Variants in CELF2 observed in about 807,000 individuals in gnomAD.
CELF2 encodes CUG triplet repeat RNA-binding protein 2.
In CELF2, 8 loss-of-function variants were observed where a neutral mutation model predicts 62.6. The observed-to-expected ratio is 0.13, with a 90% confidence interval of 0.07 to 0.23. The LOEUF (loss-of-function observed/expected upper bound fraction) is 0.23. CELF2 is among the 10% of genes least tolerant of loss of function. CELF2 has a pLI of 1.00. For missense variants in CELF2, 333 were observed against 671.0 expected, an observed-to-expected ratio of 0.50 and a Z score of 5.56; for synonymous variants, 258 against 250.0, an observed-to-expected ratio of 1.03 and a Z score of -0.30.
At chr10:11,104,546 G>T (rs1204237054) in intron 1 of CELF2, among the ~76,000 whole-genome samples, 1 of 152,190 alleles carries the variant, frequency 6.6e-6, no homozygotes, top group African/African-American at 2.4e-5. Context: ...AGCCAGGTGT[G>T]TGGTGTGTGC....
chr10:10,482,476 A>T, the CELF2 span, among the ~76,000 whole-genome samples: 1,382 of 152,342 alleles, frequency 9.1e-3, 10 homozygotes, highest in South Asian at 0.026. Context: ...GTGTTAAAAA[A>T]GTTTCCTTCA....
At chr10:11,088,564 C>CGGTGCGCATACCCCTGCTCACCT (rs55706560) in intron 1 of CELF2, among the ~76,000 whole-genome samples, 2 of 151,860 alleles carry the variant, frequency 1.3e-5, no homozygotes, top group Non-Finnish European at 2.9e-5. Flanking sequence ...CTAGCAGAGC[C>CGGTGCGCATACCCCTGCTCACCT]GGATTTCTCA....
At chr10:10,619,050 G>A in the CELF2 span, among the ~76,000 whole-genome samples, 11 of 152,306 alleles carry the variant, frequency 7.2e-5, no homozygotes, top group East Asian at 1.9e-4. Flanking sequence ...TACTGCACAC[G>A]TGGCAACAAA....
At chr10:10,493,209 A>G in the CELF2 span, among the ~76,000 whole-genome samples, 1 of 152,156 alleles carries the variant, frequency 6.6e-6, no homozygotes, top group East Asian at 1.9e-4. Context: ...ATTTTTCTTA[A>G]ATGAGGCACT....
chr10:11,101,257 A>G (rs751943599), intron 1 of CELF2, among the ~76,000 whole-genome samples: 1 of 152,200 alleles, frequency 6.6e-6, no homozygotes, highest in Non-Finnish European at 1.5e-5. Flanking sequence ...TGTGGGGTGA[A>G]TTACAATACT....
intron 1 of CELF2, among the ~76,000 whole-genome samples, chr10:11,041,001 A>G (rs1428905699): frequency 6.6e-6 from 1 of 152,128 alleles, no homozygotes; most frequent in Non-Finnish European, 1.5e-5. Context: ...TTAAACAACT[A>G]ATGTTTATTT....
the CELF2 span, among the ~76,000 whole-genome samples, chr10:10,664,830 G>T: frequency 6.6e-6 from 1 of 152,122 alleles, no homozygotes; most frequent in Non-Finnish European, 1.5e-5. Flanking sequence ...AGACAGAAAT[G>T]GGAAGTTTAA....
At chr10:10,473,335 G>A in the CELF2 span, among the ~76,000 whole-genome samples, 110 of 152,030 alleles carry the variant, frequency 7.2e-4, 1 homozygote, top group East Asian at 0.019. Flanking sequence ...CAATATCTAG[G>A]AAAAGGTAAG....
Position 11,247,950 on chromosome 10 carries a change from G to A in CELF2, c.355-1203G>A, listed in dbSNP as rs939475126. ...TTCTGAAGACCCAGGCCGGCATTAGGTGCACGTGATCCTGACTGCCTGATG... is the reference window on the plus strand; with the variant it reads ...TTCTGAAGACCCAGGCCGGCATTAGATGCACGTGATCCTGACTGCCTGATG... On this transcript the variant is annotated intron_variant, in intron 3 of 12. Transcript: ENST00000633077. The surrounding 1 kb of genome is among the most constrained non-coding windows in gnomAD (Gnocchi z 5.4). 1.4e-4 allele frequency among the ~76,000 whole-genome samples: 22 copies of A among 152,020 alleles called. No homozygotes were observed. The highest frequency in any genetic ancestry group is 2.1e-4 in the Non-Finnish European group (14 of 67,994).
the CELF2 span, among the ~76,000 whole-genome samples, chr10:10,608,462 T>G: frequency 1.3e-5 from 2 of 152,198 alleles, no homozygotes; most frequent in African/African-American, 4.8e-5. Context: ...AAAGTCAAGA[T>G]TAGATGCTGC....
In CELF2 at chr10:10,883,874, T is replaced by TTCCTCC. The variant is rs532851196; in HGVS notation, c.54-36075_54-36070dup. On this transcript the variant is annotated intron_variant, in intron 1 of 13. Coordinates refer to the CELF2 transcript ENST00000636488. ...AGGGCTAGGCATTCTCATAATTTCC[T>TTCCTCC]TCCTCCTCCTCCTCCTCCTCTTCTT... Among the ~76,000 whole-genome samples the TTCCTCC allele has an allele frequency of 2.0e-5, 3 of 151,760 alleles. No individual in the cohort carries two copies. The East Asian group carries it at 5.8e-4, about 29-fold the overall frequency.
intron 1 of CELF2, among the ~76,000 whole-genome samples, chr10:10,889,302 T>G (rs556085952): frequency 6.6e-6 from 1 of 152,360 alleles, no homozygotes; most frequent in East Asian, 1.9e-4. Context: ...CTACATGTAA[T>G]GAAGTTTCAA....
the CELF2 span, among the ~76,000 whole-genome samples, chr10:10,489,346 G>C: frequency 6.6e-6 from 1 of 152,080 alleles, no homozygotes; most frequent in Admixed American, 6.5e-5. Flanking sequence ...CTGGAACAGT[G>C]CTGGTACATT....
chr10:11,018,144 C>T lies in CELF2; in HGVS notation c.55C>T (p.Leu19=). The part of the protein sequence containing the change: ...FLPDMMVEGR[L]LVPDRINGTA... ...CCCGGACATGATGGTCGAGGGCCGCCTGCTCGTTCCTGACAGAATGTGAGT... is the reference window on the plus strand; with the variant it reads ...CCCGGACATGATGGTCGAGGGCCGCTTGCTCGTTCCTGACAGAATGTGAGT... Residue 19 remains leucine, a synonymous_variant, in exon 1 of 13, where the codon CTG becomes TTG. Coordinates refer to ENST00000633077, the MANE Select transcript of CELF2 (RefSeq NM_001326342.2). The T allele has an allele frequency of 6.6e-7, 1 of 1,523,442 alleles. No homozygotes were observed. Among genetic ancestry groups the T allele is most frequent in the Non-Finnish European group, 8.8e-7 (1 of 1,133,232 alleles). The allele number at this position is 1,523,442 out of a possible 1,614,324, so 94.4% of individuals were successfully genotyped here.
chr10:11,112,357 A>G (rs940537130), intron 1 of CELF2, among the ~76,000 whole-genome samples: 1 of 152,240 alleles, frequency 6.6e-6, no homozygotes, highest in Admixed American at 6.5e-5. Context: ...ATGATGTGTT[A>G]TGCAGTACGG....
At chr10:10,617,209 A>C in the CELF2 span, among the ~76,000 whole-genome samples, 7 of 152,182 alleles carry the variant, frequency 4.6e-5, no homozygotes, top group African/African-American at 1.7e-4. Flanking sequence ...TGAGTTTGCA[A>C]AATAGGGTCA....
chr10:11,158,049 C>A (rs1331007943), intron 1 of CELF2, among the ~76,000 whole-genome samples: 2 of 152,180 alleles, frequency 1.3e-5, no homozygotes, highest in South Asian at 2.1e-4. Context: ...GAAGCGCAGG[C>A]CCCTGTTGAG....
At chr10:11,323,610 G>C (rs2095569346) in intron 11 of CELF2, among the ~76,000 whole-genome samples, 1 of 152,044 alleles carries the variant, frequency 6.6e-6, no homozygotes, top group Non-Finnish European at 1.5e-5. Context: ...GACGCTGGTG[G>C]ACTCTTACAG....
At chr10:10,951,622 A>G (rs1010228026) in intron 2 of CELF2, among the ~76,000 whole-genome samples, 9 of 152,148 alleles carry the variant, frequency 5.9e-5, no homozygotes, top group Non-Finnish European at 1.0e-4. Context: ...AGCCCTCCCA[A>G]TTCACCCGGT....
Sources: gnomAD v4.1 joint callset for allele counts (sites outside exome capture counted in the v4.1 genomes callset) on GRCh38, gnomAD v4.1.1 for gene constraint, Gnocchi (gnomAD v3.1) non-coding constraint, MANE v1.5 for transcripts, NCBI Gene and HGNC (gene_info 2026-07-23, HGNC 2026-07-21) for gene names.